The following TCERG1L variants were observed in gnomAD, a reference collection of about 807,000 sequenced individuals.
TCERG1L encodes transcription elongation regulator 1 like.
TCERG1L carries 37 observed loss-of-function variants against 56.3 expected under a neutral mutation model. That is an observed-to-expected ratio of 0.66 (90% CI 0.51 to 0.87). The LOEUF (loss-of-function observed/expected upper bound fraction) is 0.87, where lower values mean the gene tolerates loss of function less well. TCERG1L is among the 40% of genes least tolerant of loss of function. TCERG1L has a pLI of 0.00. For synonymous variants in TCERG1L, 324 were observed against 326.3 expected, an observed-to-expected ratio of 0.99 and a Z score of 0.08; for missense variants, 799 against 774.2, an observed-to-expected ratio of 1.03 and a Z score of -0.38.
chr10:131,154,523 C>G (rs997698025), intron 6 of TCERG1L, among the ~76,000 whole-genome samples: 3 of 152,216 alleles, frequency 2.0e-5, no homozygotes, highest in African/African-American at 4.8e-5. Context: ...ATGAAAGGGC[C>G]GCACCCAATG....
chr10:131,227,771 T>C (rs1337614061), intron 4 of TCERG1L, among the ~76,000 whole-genome samples: 1 of 152,186 alleles, frequency 6.6e-6, no homozygotes, highest in Non-Finnish European at 1.5e-5. Flanking sequence ...CACAGGCACA[T>C]TCATTACAAT....
chr10:131,257,810 A>G (rs1846189137), intron 4 of TCERG1L, among the ~76,000 whole-genome samples: 1 of 152,236 alleles, frequency 6.6e-6, no homozygotes, highest in African/African-American at 2.4e-5. Flanking sequence ...GTTGGGGACC[A>G]TTAAGCTAAA....
intron 3 of TCERG1L, among the ~76,000 whole-genome samples, chr10:131,283,122 G>C (rs1846480233): frequency 1.3e-5 from 2 of 152,228 alleles, no homozygotes; most frequent in Non-Finnish European, 2.9e-5. Context: ...AGTGAGTCAT[G>C]TCTGCCACGG....
rs184456281 is a variant in TCERG1L at position 131,095,805 on chromosome 10, G to A, written c.1605-2487C>T. 1.2e-3 allele frequency: 155 copies of A among 128,808 alleles called. 1 individual carries two copies. Among genetic ancestry groups the A allele is most frequent in the African/African-American group, 3.9e-3 (147 of 37,528 alleles). 8.0% of individuals were successfully genotyped at this position (128,808 alleles called of 1,614,324 possible). A position where few individuals can be genotyped will look rare whatever the true frequency, so the allele number is the denominator to read the frequency against. ...AGGCAATTAACTCTCATTTTAAAAA[G>A]AGTCCGTTTAACTCCCTTCTAATTT... On this transcript the variant is annotated intron_variant, in intron 11 of 11. Transcript: ENST00000368642.
intron 3 of TCERG1L, among the ~76,000 whole-genome samples, chr10:131,281,857 C>G (rs1846459498): frequency 6.9e-6 from 1 of 144,798 alleles, no homozygotes; most frequent in Non-Finnish European, 1.5e-5. Flanking sequence ...ACCCTTCTGG[C>G]CGGGCGCGGT....
intron 3 of TCERG1L, among the ~76,000 whole-genome samples, chr10:131,271,159 C>T (rs1050316149): frequency 3.4e-5 from 5 of 147,652 alleles, no homozygotes; most frequent in African/African-American, 9.7e-5. Context: ...GCCTCCAGAA[C>T]CTGCCTCCAG....
intron 8 of TCERG1L, among the ~76,000 whole-genome samples, chr10:131,123,121 T>TG (rs1349406659): frequency 6.6e-6 from 1 of 152,152 alleles, no homozygotes; most frequent in African/African-American, 2.4e-5. Flanking sequence ...GAGGGCTGCA[T>TG]GGGGCCCCTT....
At chr10:131,191,625 G>A (rs1166032070) in intron 4 of TCERG1L, among the ~76,000 whole-genome samples, 2 of 142,600 alleles carry the variant, frequency 1.4e-5, no homozygotes, top group African/African-American at 5.3e-5. Context: ...AAATTGCAAA[G>A]GTGCTGGGAA....
chr10:131,261,964 C>T (rs760497768), intron 3 of TCERG1L, among the ~76,000 whole-genome samples: 15 of 152,208 alleles, frequency 9.9e-5, no homozygotes, highest in Non-Finnish European at 1.5e-4. Flanking sequence ...AGCAGGCGTG[C>T]GAAGGCCCCG....
intron 8 of TCERG1L, among the ~76,000 whole-genome samples, chr10:131,120,514 G>T (rs1453181330): frequency 1.3e-5 from 2 of 152,212 alleles, no homozygotes; most frequent in Admixed American, 6.5e-5. Flanking sequence ...CCCTGGCAGA[G>T]AAATGACAAA....
chr10:131,154,688 C>T (rs2944532), intron 6 of TCERG1L, among the ~76,000 whole-genome samples: 22,877 of 152,170 alleles, frequency 0.15, 2,084 homozygotes, highest in African/African-American at 0.24. Flanking sequence ...CCAGGAGGAG[C>T]GCAGGGAGAC....
At chr10:131,246,862 G>C (rs115998356) in intron 4 of TCERG1L, among the ~76,000 whole-genome samples, 35 of 152,228 alleles carry the variant, frequency 2.3e-4, no homozygotes, top group Admixed American at 1.0e-3. Flanking sequence ...CACACTCAGC[G>C]GACAGGACTC....
At chr10:131,108,727 C>G (rs1250416796) in intron 9 of TCERG1L, among the ~76,000 whole-genome samples, 1 of 152,218 alleles carries the variant, frequency 6.6e-6, no homozygotes, top group Non-Finnish European at 1.5e-5. Context: ...CAGCCCAGAT[C>G]CCACTGGGCT....
intron 3 of TCERG1L, among the ~76,000 whole-genome samples, chr10:131,305,736 TCTATGATTAA>T (rs1367749358): frequency 1.3e-5 from 2 of 152,072 alleles, no homozygotes; most frequent in Non-Finnish European, 2.9e-5. Context: ...TGTTTCTGCT[TCTATGATTAA>T]CTTGAAGGGG....
chr10:131,159,371 T>C (rs1845954624), intron 6 of TCERG1L, among the ~76,000 whole-genome samples: 1 of 152,176 alleles, frequency 6.6e-6, no homozygotes, highest in African/African-American at 2.4e-5. Flanking sequence ...CCCTCCCCAA[T>C]GCCTCCTTAG....
chr10:131,165,795 A>C (rs1258361520), intron 5 of TCERG1L, among the ~76,000 whole-genome samples: 3 of 152,200 alleles, frequency 2.0e-5, no homozygotes, highest in African/African-American at 4.8e-5. Flanking sequence ...GGTCTTCTCC[A>C]CGAGATGCAT....
At chr10:131,150,298 C>T (rs1845850258) in intron 6 of TCERG1L, among the ~76,000 whole-genome samples, 1 of 26,806 alleles carries the variant, frequency 3.7e-5, no homozygotes, top group Non-Finnish European at 1.6e-4. Flanking sequence ...CCTCTAGAGT[C>T]ACTGAAGTGT....
At chr10:131,149,126 T>TG (rs547505490) in intron 6 of TCERG1L, among the ~76,000 whole-genome samples, 26 of 152,316 alleles carry the variant, frequency 1.7e-4, no homozygotes, top group East Asian at 5.8e-4. Flanking sequence ...ACCCTTCAGA[T>TG]GGGGGGTGGA....
At chr10:131,250,728 C>T (rs1263771636) in intron 4 of TCERG1L, among the ~76,000 whole-genome samples, 1 of 152,184 alleles carries the variant, frequency 6.6e-6, no homozygotes, top group East Asian at 1.9e-4. Context: ...GCCCAGCGCC[C>T]TGTTAGTTGA....
Sources: gnomAD v4.1 joint callset for allele counts (sites outside exome capture counted in the v4.1 genomes callset) on GRCh38, gnomAD v4.1.1 for gene constraint, MANE v1.5 for transcripts, NCBI Gene and HGNC (gene_info 2026-07-23, HGNC 2026-07-21) for gene names.